The following ANKRD30BL variants were observed in gnomAD, a reference collection of about 807,000 sequenced individuals.
ANKRD30BL encodes the protein ankyrin repeat domain 30B like, also known as putative ankyrin repeat domain-containing protein 30B-like.
In ANKRD30BL, 20 loss-of-function variants were observed where a neutral mutation model predicts 18.4. The ratio of observed to expected loss-of-function variants is 1.09; its 90% CI spans 0.77 to 1.58. ANKRD30BL has a LOEUF of 1.58. Ranked by LOEUF, ANKRD30BL falls within the 40% of genes most tolerant of loss-of-function variation. The pLI is 0.00. For synonymous variants in ANKRD30BL, 72 were observed against 100.9 expected, an observed-to-expected ratio of 0.71 and a Z score of 1.72; for missense variants, 224 against 268.6, an observed-to-expected ratio of 0.83 and a Z score of 1.16.
At position 132,172,547 on chromosome 2, in the gene ANKRD30BL, C is replaced by T. The variant is rs192157430; in HGVS notation, n.442-15401G>A. Among the ~76,000 whole-genome samples the T allele has an allele frequency of 7.4e-3, 1,123 of 152,130 alleles. 14 individuals are homozygous for T. Among genetic ancestry groups the T allele is most frequent in the African/African-American group, 0.024 (1,000 of 41,510 alleles). Reference sequence around the variant, plus strand: ...CTTTAGATAATTATCTATTCAAGTCCTTTGCCTATTTAAAAAATTGAACCA... The same window carrying T: ...CTTTAGATAATTATCTATTCAAGTCTTTTGCCTATTTAAAAAATTGAACCA... On this transcript the variant is annotated intron_variant and non_coding_transcript_variant, in intron 1 of 4. Transcript: ENST00000470729.
intron 1 of ANKRD30BL, among the ~76,000 whole-genome samples, chr2:132,231,022 C>CT (rs1014121880): frequency 1.3e-5 from 2 of 152,060 alleles, no homozygotes; most frequent in African/African-American, 2.4e-5. Context: ...TTCTCAGAAA[C>CT]TTTTTTGTGC....
chr2:132,208,103 A>G (rs1679246060), intron 1 of ANKRD30BL, among the ~76,000 whole-genome samples: 1 of 152,112 alleles, frequency 6.6e-6, no homozygotes, highest in African/African-American at 2.4e-5. Flanking sequence ...TGCCTCTCAT[A>G]GATACCTGAG....
chr2:132,232,346 A>G (rs912074635), intron 1 of ANKRD30BL, among the ~76,000 whole-genome samples: 1 of 152,232 alleles, frequency 6.6e-6, no homozygotes, highest in Non-Finnish European at 1.5e-5. Flanking sequence ...AATGACTTTG[A>G]CGAGCTGAGA....
chr2:132,205,128 A>G (rs1270730122), intron 1 of ANKRD30BL, among the ~76,000 whole-genome samples: 2 of 152,170 alleles, frequency 1.3e-5, no homozygotes, highest in South Asian at 2.1e-4. Context: ...TCTTTTACAT[A>G]CACATTCTGA....
chr2:132,211,995 G>C (rs1198781070), intron 1 of ANKRD30BL, among the ~76,000 whole-genome samples: 2 of 151,760 alleles, frequency 1.3e-5, no homozygotes, highest in Non-Finnish European at 2.9e-5. Context: ...GCTTTAGATT[G>C]AGCAGTTTGG....
chr2:132,234,454 A>G (rs572626401), intron 1 of ANKRD30BL, among the ~76,000 whole-genome samples: 1 of 152,206 alleles, frequency 6.6e-6, no homozygotes, highest in East Asian at 1.9e-4. Flanking sequence ...ACTAATAAAG[A>G]AAAAAAGAGA....
chr2:132,219,379 G>C (rs1301248224), intron 1 of ANKRD30BL, among the ~76,000 whole-genome samples: 1 of 152,030 alleles, frequency 6.6e-6, no homozygotes, highest in Non-Finnish European at 1.5e-5. Context: ...TCAACTCACA[G>C]ATTTGAAGCT....
chr2:132,210,629 G>A (rs1022144564), intron 1 of ANKRD30BL, among the ~76,000 whole-genome samples: 5 of 151,650 alleles, frequency 3.3e-5, no homozygotes, highest in African/African-American at 9.7e-5. Context: ...TTTTGATTGA[G>A]CAGATTTGAA....
At chr2:132,239,791 G>C (rs143669742) in intron 1 of ANKRD30BL, among the ~76,000 whole-genome samples, 2 of 148,160 alleles carry the variant, frequency 1.3e-5, no homozygotes, top group Non-Finnish European at 1.5e-5. Context: ...TTGAGGCCTA[G>C]GGTGAAAAAG....
intron 1 of ANKRD30BL, among the ~76,000 whole-genome samples, chr2:132,221,593 TG>T (rs1679686285): frequency 2.1e-5 from 2 of 96,046 alleles, no homozygotes; most frequent in East Asian, 3.4e-4. Flanking sequence ...GGGAGGGAGG[TG>T]GGGGGATCAG....
intron 1 of ANKRD30BL, among the ~76,000 whole-genome samples, chr2:132,199,427 T>G (rs890740348): frequency 6.6e-6 from 1 of 152,260 alleles, no homozygotes; most frequent in East Asian, 1.9e-4. Context: ...CTAAATACTT[T>G]GCATGAAGAT....
chr2:132,198,574 T>A (rs184758622), intron 1 of ANKRD30BL, among the ~76,000 whole-genome samples: 3,134 of 151,624 alleles, frequency 0.021, 99 homozygotes, highest in African/African-American at 0.072. Context: ...CTGCCCGCCT[T>A]GGCCTCCCAA....
intron 1 of ANKRD30BL, among the ~76,000 whole-genome samples, chr2:132,168,462 G>T (rs1422430357): frequency 6.6e-6 from 1 of 152,056 alleles, no homozygotes; most frequent in East Asian, 1.9e-4. Flanking sequence ...TAGCATTGAT[G>T]GACTGAGAGA....
intron 1 of ANKRD30BL, among the ~76,000 whole-genome samples, chr2:132,249,986 T>C (rs971629410): frequency 2.6e-5 from 4 of 152,126 alleles, no homozygotes; most frequent in African/African-American, 9.7e-5. Context: ...TATGTGAAGA[T>C]ATTTCCTTTT....
intron 1 of ANKRD30BL, among the ~76,000 whole-genome samples, chr2:132,247,555 C>T (rs1680537961): frequency 6.6e-6 from 1 of 150,580 alleles, no homozygotes. Context: ...ACAAAGTTTT[C>T]AGAATGCTTA....
chr2:132,221,072 A>G (rs1679662284), intron 1 of ANKRD30BL, among the ~76,000 whole-genome samples: 1 of 126,666 alleles, frequency 7.9e-6, no homozygotes, highest in African/African-American at 3.3e-5. Flanking sequence ...GAAGTGAGGA[A>G]ACCCTCTGCC....
intron 1 of ANKRD30BL, among the ~76,000 whole-genome samples, chr2:132,182,517 G>A (rs1688487055): frequency 6.6e-6 from 1 of 151,712 alleles, no homozygotes; most frequent in South Asian, 2.1e-4. Context: ...GAATTTGTAT[G>A]CAGTTCACTT....
chr2:132,172,064 T>C (rs1330855371), intron 1 of ANKRD30BL, among the ~76,000 whole-genome samples: 1 of 152,250 alleles, frequency 6.6e-6, no homozygotes, highest in Non-Finnish European at 1.5e-5. Flanking sequence ...CATTCCTTAA[T>C]AAGGCTGAAT....
At chr2:132,238,255 G>C (rs1227568580) in intron 1 of ANKRD30BL, among the ~76,000 whole-genome samples, 1 of 151,954 alleles carries the variant, frequency 6.6e-6, no homozygotes, top group Non-Finnish European at 1.5e-5. Context: ...GAATTTACAA[G>C]TGGATATTAG....
Sources: gnomAD v4.1 joint callset for allele counts (sites outside exome capture counted in the v4.1 genomes callset) on GRCh38, gnomAD v4.1.1 for gene constraint, MANE v1.5 for transcripts, NCBI Gene and HGNC (gene_info 2026-07-23, HGNC 2026-07-21) for gene names.